Variants in MAPRE2 observed in about 807,000 individuals in gnomAD.
MAPRE2 encodes microtubule associated protein RP/EB family member 2, also known as microtubule-associated protein RP/EB family member 2.
Under a neutral mutation model 43.2 loss-of-function variants are expected in MAPRE2, and 13 were observed. The ratio of observed to expected loss-of-function variants is 0.30; its 90% confidence interval spans 0.20 to 0.48. The LOEUF is 0.48. Among genes scored for constraint, MAPRE2 ranks in the 20% least tolerant of loss-of-function variants. The pLI is 0.99. For missense variants in MAPRE2, 161 were observed against 400.2 expected (o/e 0.40, Z 5.10); for synonymous variants, 135 against 148.8 (o/e 0.91, Z 0.68).
intron 2 of MAPRE2, among the ~76,000 whole-genome samples, chr18:35,088,141 A>ACCAACATAAGAGTTAATACAATG (rs1907965648): frequency 6.6e-6 from 1 of 152,212 alleles, no homozygotes; most frequent in African/African-American, 2.4e-5. Flanking sequence ...AAACCATAGC[A>ACCAACATAAGAGTTAATACAATG]CCAACATAAG....
intron 4 of MAPRE2, among the ~76,000 whole-genome samples, chr18:35,113,939 T>A (rs1314164994): frequency 6.6e-6 from 1 of 152,210 alleles, no homozygotes; most frequent in East Asian, 1.9e-4. Context: ...AGCAAATATT[T>A]ATTGAGCACA....
chr18:35,086,815 A>G (rs1056560471), intron 2 of MAPRE2, among the ~76,000 whole-genome samples: 11 of 152,136 alleles, frequency 7.2e-5, no homozygotes, highest in Non-Finnish European at 1.6e-4. Flanking sequence ...CCTCTTAAGG[A>G]TACTATGGGA....
intron 2 of MAPRE2, among the ~76,000 whole-genome samples, chr18:35,032,931 C>T (rs935247167): frequency 4.6e-5 from 7 of 152,082 alleles, no homozygotes; most frequent in Non-Finnish European, 8.8e-5. Context: ...CTTTTTAGTA[C>T]AGATAGTTGC....
intron 2 of MAPRE2, among the ~76,000 whole-genome samples, chr18:35,010,214 T>C (rs1445724261): frequency 6.6e-6 from 1 of 152,078 alleles, no homozygotes; most frequent in Admixed American, 6.6e-5. Context: ...TAGCAAGACC[T>C]CATCTCTCTA....
chr18:35,086,781 T>C lies in MAPRE2; in HGVS notation c.251-10665T>C, dbSNP rs376537639. 2.4e-4 allele frequency among the ~76,000 whole-genome samples: 37 copies of C among 152,214 alleles called. No homozygotes were observed. The East Asian group carries it at 7.0e-3, about 29-fold the overall frequency. On this transcript the variant is annotated intron_variant, in intron 2 of 6. Coordinates refer to ENST00000300249, the MANE Select transcript of MAPRE2 (RefSeq NM_014268.4). Reference sequence around the variant, plus strand: ...GCCTTGTTCCCATACCTGTAAAATATGGGAATGATAATAAAAATACTTACC... The same window carrying C: ...GCCTTGTTCCCATACCTGTAAAATACGGGAATGATAATAAAAATACTTACC...
At position 35,049,809 on chromosome 18, in the gene MAPRE2, G is replaced by A. The variant is rs142961544; in HGVS notation, c.122+8148G>A. Among the ~76,000 whole-genome samples the A allele has an allele frequency of 4.8e-3, 735 of 152,310 alleles. 3 individuals carry two copies. The highest frequency in any genetic ancestry group is 0.016 in the African/African-American group (668 of 41,576). ...TCAAAAGCTTTCAGAAATGTAGCGT[G>A]TAAGTAAAAATGTGTGTGTACCCTA... On this transcript the variant is annotated intron_variant, in intron 1 of 6. Coordinates refer to ENST00000300249, the MANE Select transcript of MAPRE2 (RefSeq NM_014268.4).
rs1311854796 is a variant in MAPRE2 at position 34,985,241 on chromosome 18, A to AT, written c.-70+8162_-70+8163insT. Among the ~76,000 whole-genome samples, 4 of 60,042 alleles carry AT rather than the reference A, an allele frequency of 6.7e-5. No homozygotes were observed. The East Asian group carries it at 2.5e-3, about 38-fold the overall frequency. The allele number at this position is 60,042 out of a possible 152,430, so 39.4% of individuals were successfully genotyped here. A position where few individuals can be genotyped will look rare whatever the true frequency, so the allele number is the denominator to read the frequency against. ...AAATATATAATATTATATATTATATAATATAAAATATATAATATAATATAT... is the reference window on the plus strand; with the variant it reads ...AAATATATAATATTATATATTATATATATATAAAATATATAATATAATATAT... On this transcript the variant is annotated intron_variant, in intron 1 of 7. Transcript: ENST00000413393.
intron 2 of MAPRE2, among the ~76,000 whole-genome samples, chr18:35,077,998 A>ACTTTTT (rs956798896): frequency 6.6e-6 from 1 of 152,196 alleles, no homozygotes; most frequent in Non-Finnish European, 1.5e-5. Flanking sequence ...TTACCATGAT[A>ACTTTTT]CTTTTTCTTT....
In MAPRE2 at chr18:35,011,677, A is replaced by G. The variant is rs189512703; in HGVS notation, c.-8+6124A>G. 2.0e-5 allele frequency among the ~76,000 whole-genome samples: 3 copies of G among 152,160 alleles called. No individual in the cohort carries two copies. In the East Asian group the frequency reaches 5.8e-4, roughly 30 times the overall value. On this transcript the variant is annotated intron_variant, in intron 2 of 7. Coordinates refer to the MAPRE2 transcript ENST00000413393. Reference sequence around the variant, plus strand: ...GGCGGAAGATGATTAGCATCTGGCTATAGTGGTGACAGCTGGGGTAGAGGT... The same window carrying G: ...GGCGGAAGATGATTAGCATCTGGCTGTAGTGGTGACAGCTGGGGTAGAGGT...
intron 2 of MAPRE2, among the ~76,000 whole-genome samples, chr18:35,077,247 GCGCACACACACA>G (rs1284189259): frequency 6.8e-5 from 8 of 116,876 alleles, no homozygotes; most frequent in Non-Finnish European, 1.3e-4. Flanking sequence ...GCGTGCGCGC[GCGCACACACACA>G]CACACACACA....
intron 4 of MAPRE2, among the ~76,000 whole-genome samples, chr18:35,119,663 C>T (rs1235529044): frequency 6.6e-6 from 1 of 152,050 alleles, no homozygotes; most frequent in Non-Finnish European, 1.5e-5. Context: ...GCCTTGGAGC[C>T]CATTGGTGGG....
At chr18:35,030,048 T>C (rs1408969288) in intron 2 of MAPRE2, among the ~76,000 whole-genome samples, 2 of 152,250 alleles carry the variant, frequency 1.3e-5, no homozygotes, top group African/African-American at 4.8e-5. Context: ...AGCTAATCAC[T>C]ATATAAGGAC....
upstream of MAPRE2, among the ~76,000 whole-genome samples, chr18:35,036,799 A>G (rs1458345427): frequency 6.6e-6 from 1 of 152,214 alleles, no homozygotes; most frequent in Non-Finnish European, 1.5e-5. Context: ...TTGTTGAATA[A>G]ATGAATTGAT....
At chr18:35,020,700 CAATTATAA>C (rs1186982672) in intron 2 of MAPRE2, among the ~76,000 whole-genome samples, 1 of 152,026 alleles carries the variant, frequency 6.6e-6, no homozygotes, top group Non-Finnish European at 1.5e-5. Flanking sequence ...CGTATCCCCT[CAATTATAA>C]AATAAAAATT....
intron 2 of MAPRE2, among the ~76,000 whole-genome samples, chr18:35,029,652 G>A (rs570075306): frequency 6.3e-4 from 96 of 152,284 alleles, no homozygotes; most frequent in Non-Finnish European, 9.8e-4. Flanking sequence ...CTTCTGAATC[G>A]TCTGCAAGAT....
At chr18:35,115,113 TA>T (rs796899381) in intron 4 of MAPRE2, among the ~76,000 whole-genome samples, 3 of 152,360 alleles carry the variant, frequency 2.0e-5, no homozygotes, top group African/African-American at 7.2e-5. Context: ...AACTACACTA[TA>T]ACTCAACTTT....
intron 1 of MAPRE2, among the ~76,000 whole-genome samples, chr18:35,067,187 C>T (rs573423870): frequency 1.3e-5 from 2 of 152,258 alleles, no homozygotes; most frequent in African/African-American, 2.4e-5. Flanking sequence ...TAACTAAGTA[C>T]CCAGAATTTT....
chr18:35,042,028 C>T (rs967883603), intron 1 of MAPRE2, among the ~76,000 whole-genome samples: 4 of 152,150 alleles, frequency 2.6e-5, no homozygotes, highest in Non-Finnish European at 4.4e-5. Flanking sequence ...GGTAGCAGTG[C>T]CAAAAGGCAG....
chr18:35,059,717 A>T (rs1603395899), intron 1 of MAPRE2, among the ~76,000 whole-genome samples: 1 of 152,192 alleles, frequency 6.6e-6, no homozygotes, highest in East Asian at 1.9e-4. Context: ...TTCACTGGGG[A>T]GTTGACATTT....
Sources: gnomAD v4.1 joint callset for allele counts (sites outside exome capture counted in the v4.1 genomes callset) on GRCh38, gnomAD v4.1.1 for gene constraint, MANE v1.5 for transcripts, NCBI Gene and HGNC (gene_info 2026-07-23, HGNC 2026-07-21) for gene names.